The following VPS54 variants were observed in gnomAD, a reference collection of about 807,000 sequenced individuals.
VPS54 encodes the protein VPS54 subunit of GARP complex.
Under a neutral mutation model 121.5 loss-of-function variants are expected in VPS54, and 45 were observed. The ratio of observed to expected loss-of-function variants is 0.37; its 90% CI spans 0.29 to 0.47. The LOEUF (loss-of-function observed/expected upper bound fraction) is 0.47, where lower values mean the gene tolerates loss of function less well. Ranked by LOEUF, VPS54 falls within the 20% of genes least tolerant of loss-of-function variation. The pLI is 0.99. For synonymous variants in VPS54, 371 were observed against 385.8 expected (o/e 0.96, Z 0.45); for missense variants, 1,090 against 1,131.4 (o/e 0.96, Z 0.52).
intron 22 of VPS54, among the ~76,000 whole-genome samples, chr2:63,894,911 A>G (rs893616117): frequency 2.0e-5 from 3 of 152,238 alleles, no homozygotes; most frequent in African/African-American, 7.2e-5. Context: ...AATGTAGACT[A>G]AATTCACTGG....
In VPS54 at chr2:63,981,782, C is replaced by T; in HGVS notation, c.242G>A (p.Arg81Lys). The change falls in exon 3 of 23, where the codon AGA (arginine) becomes AAA (lysine). Residue 81 changes from arginine (R) to lysine (K), a missense_variant. Around this residue, in one of 2 missense-constraint regions of VPS54, gnomAD observed 801 missense variants for 757.0 expected, o/e 1.06. Coordinates refer to ENST00000272322, the MANE Select transcript of VPS54 (RefSeq NM_016516.3). Reference protein sequence around the residue: ...VNLPAALNDPRLAKRESDFFT... With the variant: ...VNLPAALNDPKLAKRESDFFT... ...GAAGTCAGATTCTCTTTTTGCTAATCTAGGATCGTTTAATGCTGCTGGGAG... is the reference window on the plus strand; with the variant it reads ...GAAGTCAGATTCTCTTTTTGCTAATTTAGGATCGTTTAATGCTGCTGGGAG... 6.2e-7 allele frequency: 1 copy of T among 1,613,746 alleles called. No individual in the cohort carries two copies. Among genetic ancestry groups the T allele is most frequent in the Non-Finnish European group, 8.5e-7 (1 of 1,179,804 alleles).
At chr2:63,901,758 G>C (rs2104406405) in intron 20 of VPS54, among the ~76,000 whole-genome samples, 1 of 152,318 alleles carries the variant, frequency 6.6e-6, no homozygotes, top group Non-Finnish European at 1.5e-5. Flanking sequence ...GCTCATGCCT[G>C]TAATTCCAGC....
chr2:63,950,101 C>T (rs1675169350), intron 7 of VPS54, among the ~76,000 whole-genome samples: 1 of 152,214 alleles, frequency 6.6e-6, no homozygotes, highest in African/African-American at 2.4e-5. Flanking sequence ...ATCTTGAAAT[C>T]CTTCATTCCT....
chr2:63,915,151 CAAAAAAAAAAAAAAAA>C (rs5831674), intron 16 of VPS54, among the ~76,000 whole-genome samples: 11 of 23,852 alleles, frequency 4.6e-4, no homozygotes, highest in Non-Finnish European at 6.1e-4. Flanking sequence ...AGCTCCGTCT[CAAAAAAAAAAAAAAAA>C]AAAAAAAAAA....
chr2:63,937,219 G>C (rs751076161), intron 11 of VPS54, among the ~76,000 whole-genome samples: 5 of 151,782 alleles, frequency 3.3e-5, no homozygotes, highest in Admixed American at 6.6e-5. Flanking sequence ...GCAACCTGCG[G>C]AATGGGAGAA....
chr2:63,971,248 G>T (rs1676273389), intron 4 of VPS54, among the ~76,000 whole-genome samples: 1 of 152,134 alleles, frequency 6.6e-6, no homozygotes, highest in South Asian at 2.1e-4. Context: ...TTGTATTACT[G>T]CAGTAGCCTC....
At chr2:63,940,644 A>T (rs1199655678) in intron 11 of VPS54, among the ~76,000 whole-genome samples, 1 of 152,194 alleles carries the variant, frequency 6.6e-6, no homozygotes, top group Non-Finnish European at 1.5e-5. Context: ...TGATGAGTGA[A>T]AAAAATAGCT....
chr2:63,973,588 G>C (rs1199141147), intron 3 of VPS54, among the ~76,000 whole-genome samples: 4 of 152,084 alleles, frequency 2.6e-5, no homozygotes, highest in Non-Finnish European at 5.9e-5. Flanking sequence ...ACTGGGTCTA[G>C]TTCTGTTGCC....
intron 2 of VPS54, among the ~76,000 whole-genome samples, chr2:63,983,663 C>T (rs942996195): frequency 2.0e-5 from 3 of 151,632 alleles, no homozygotes; most frequent in Admixed American, 6.6e-5. Flanking sequence ...AGGATGATCT[C>T]GATCTCCTGA....
At chr2:64,000,184 G>A (rs1423672880) in intron 1 of VPS54, among the ~76,000 whole-genome samples, 2 of 152,102 alleles carry the variant, frequency 1.3e-5, no homozygotes, top group Non-Finnish European at 2.9e-5. Context: ...AAGCCATTAT[G>A]ATGCATTCTT....
intron 11 of VPS54, among the ~76,000 whole-genome samples, chr2:63,936,012 G>T (rs1457135192): frequency 6.6e-6 from 1 of 152,146 alleles, no homozygotes; most frequent in Non-Finnish European, 1.5e-5. Flanking sequence ...AAAGAGAAAG[G>T]CAAAGCTGAA....
intron 3 of VPS54, among the ~76,000 whole-genome samples, chr2:63,972,934 T>TGAA: frequency 7.1e-6 from 1 of 140,202 alleles, no homozygotes; most frequent in East Asian, 2.1e-4. Context: ...ACGTTCTGAG[T>TGAA]AAAAAAAAAA....
At chr2:63,925,881 G>T (rs190937161) in intron 12 of VPS54, among the ~76,000 whole-genome samples, 3 of 152,158 alleles carry the variant, frequency 2.0e-5, no homozygotes, top group South Asian at 4.1e-4. Flanking sequence ...TAGTTCTTGA[G>T]GGGGGTGACA....
At chr2:63,938,208 C>T (rs1674556324) in intron 11 of VPS54, among the ~76,000 whole-genome samples, 1 of 152,000 alleles carries the variant, frequency 6.6e-6, no homozygotes, top group African/African-American at 2.4e-5. Context: ...TCAAGCGATT[C>T]TCCTGCCTCA....
intron 21 of VPS54, among the ~76,000 whole-genome samples, chr2:63,898,630 G>A (rs995121729): frequency 1.3e-5 from 2 of 152,116 alleles, no homozygotes; most frequent in Non-Finnish European, 2.9e-5. Context: ...ACTCAACCAA[G>A]TAAGAGAGAC....
At position 63,949,199 on chromosome 2, in the gene VPS54, A is replaced by C. The variant is rs776339513; in HGVS notation, c.1011-36T>G. ...AGAGAAAAATGTTATATTTATATTCACTAAAAACTACAAATTCGCTCCACA... is the reference window on the plus strand; with the variant it reads ...AGAGAAAAATGTTATATTTATATTCCCTAAAAACTACAAATTCGCTCCACA... On this transcript the variant is annotated intron_variant, in intron 7 of 22. Transcript: ENST00000272322. 3.2e-6 allele frequency: 5 copies of C among 1,576,278 alleles called. No individual in the cohort carries two copies. In the South Asian group the frequency reaches 4.7e-5, roughly 15 times the overall value.
chr2:63,977,033 T>C (rs548657624), intron 3 of VPS54, among the ~76,000 whole-genome samples: 12 of 152,196 alleles, frequency 7.9e-5, no homozygotes, highest in Non-Finnish European at 1.8e-4. Flanking sequence ...TTCATCATGT[T>C]GGCCAGGCTG....
chr2:63,908,354 G>A (rs1440243337), intron 20 of VPS54, among the ~76,000 whole-genome samples: 1 of 152,106 alleles, frequency 6.6e-6, no homozygotes, highest in Non-Finnish European at 1.5e-5. Flanking sequence ...GGATATTCTG[G>A]AAAAGGCAAA....
intron 22 of VPS54, among the ~76,000 whole-genome samples, chr2:63,897,038 A>G (rs1322100838): frequency 6.6e-6 from 1 of 152,208 alleles, no homozygotes; most frequent in East Asian, 1.9e-4. Flanking sequence ...TTACAGTAAT[A>G]TATACAATCT....
Sources: gnomAD v4.1 joint callset for allele counts (sites outside exome capture counted in the v4.1 genomes callset) on GRCh38, gnomAD v4.1.1 for gene constraint, gnomAD v4.1.1 regional missense constraint, MANE v1.5 for transcripts, NCBI Gene and HGNC (gene_info 2026-07-23, HGNC 2026-07-21) for gene names.